Variants in CENPW observed in about 807,000 individuals in gnomAD.
CENPW encodes the protein centromere protein W.
CENPW carries 3 observed loss-of-function variants against 11.1 expected under a neutral mutation model. That is an observed-to-expected ratio of 0.27 (90% CI 0.12 to 0.70). CENPW has a LOEUF of 0.70. CENPW is among the 30% of genes least tolerant of loss of function. CENPW has a pLI of 0.77. For synonymous variants in CENPW, 38 were observed against 42.0 expected (o/e 0.91, Z 0.37); for missense variants, 100 against 105.6 (o/e 0.95, Z 0.23).
chr6:126,380,286 A>G, the CENPW span, among the ~76,000 whole-genome samples: 3 of 152,230 alleles, frequency 2.0e-5, no homozygotes, highest in African/African-American at 7.2e-5. Flanking sequence ...ATGGGAACCA[A>G]AGTCCAAGCT....
the CENPW span, among the ~76,000 whole-genome samples, chr6:126,357,915 T>G: frequency 8.5e-5 from 13 of 152,184 alleles, no homozygotes; most frequent in African/African-American, 3.1e-4. Context: ...CCAGTTCTTC[T>G]TATAGGATCT....
At chr6:126,413,306 C>T in the CENPW span, among the ~76,000 whole-genome samples, 1 of 151,986 alleles carries the variant, frequency 6.6e-6, no homozygotes, top group Non-Finnish European at 1.5e-5. Context: ...AAAATCAACA[C>T]AAAGGGAGAA....
At chr6:126,454,137 C>G in the CENPW span, among the ~76,000 whole-genome samples, 1 of 151,298 alleles carries the variant, frequency 6.6e-6, no homozygotes, top group South Asian at 2.1e-4. Flanking sequence ...ACTTCAACAC[C>G]CCACTGACAG....
chr6:126,364,173 C>T, the CENPW span, among the ~76,000 whole-genome samples: 1 of 151,984 alleles, frequency 6.6e-6, no homozygotes, highest in East Asian at 1.9e-4. Flanking sequence ...TGAATGGTAC[C>T]CCCACAAAAT....
the CENPW span, among the ~76,000 whole-genome samples, chr6:126,480,644 CA>C: frequency 6.6e-6 from 1 of 151,908 alleles, no homozygotes; most frequent in African/African-American, 2.4e-5. Flanking sequence ...AAAAACATCC[CA>C]AAATGCTGGA....
At chr6:126,419,549 CAGGT>C in the CENPW span, among the ~76,000 whole-genome samples, 1 of 152,106 alleles carries the variant, frequency 6.6e-6, no homozygotes, top group Non-Finnish European at 1.5e-5. Context: ...AGAAAAATGT[CAGGT>C]AGAGTATTAG....
chr6:126,362,279 C>T, the CENPW span, among the ~76,000 whole-genome samples: 1 of 152,156 alleles, frequency 6.6e-6, no homozygotes, highest in Non-Finnish European at 1.5e-5. Context: ...CTCATGGGCT[C>T]TGTGCCAGTT....
chr6:126,416,517 C>T, the CENPW span, among the ~76,000 whole-genome samples: 1 of 152,164 alleles, frequency 6.6e-6, no homozygotes, highest in Non-Finnish European at 1.5e-5. Flanking sequence ...TCATGGCAGC[C>T]CCTCCCATCA....
chr6:126,439,780 C>T, the CENPW span, among the ~76,000 whole-genome samples: 1 of 151,596 alleles, frequency 6.6e-6, no homozygotes, highest in Admixed American at 6.6e-5. Context: ...CAGGCCATTT[C>T]CAAATTCTAT....
the CENPW span, among the ~76,000 whole-genome samples, chr6:126,477,691 CTG>C: frequency 7.9e-5 from 12 of 152,124 alleles, no homozygotes; most frequent in South Asian, 4.1e-4. Context: ...AAGAAAATAA[CTG>C]TGTGATAGTA....
the CENPW span, among the ~76,000 whole-genome samples, chr6:126,399,488 T>A: frequency 3.2e-4 from 49 of 152,276 alleles, no homozygotes; most frequent in African/African-American, 1.1e-3. Flanking sequence ...TTGATCTTTG[T>A]GCTTATTATT....
chr6:126,437,893 A>G, the CENPW span, among the ~76,000 whole-genome samples: 3 of 151,728 alleles, frequency 2.0e-5, no homozygotes, highest in Non-Finnish European at 2.9e-5. Flanking sequence ...CATTGTGCCA[A>G]TTGTCTCTAT....
the CENPW span, among the ~76,000 whole-genome samples, chr6:126,413,387 T>C: frequency 6.6e-6 from 1 of 152,090 alleles, no homozygotes; most frequent in Non-Finnish European, 1.5e-5. Flanking sequence ...TGACAGCAGA[T>C]TTCTCTGCAA....
At chr6:126,430,525 A>T in the CENPW span, among the ~76,000 whole-genome samples, 2 of 152,336 alleles carry the variant, frequency 1.3e-5, no homozygotes, top group South Asian at 4.1e-4. Context: ...GTTGTTTTGC[A>T]CATGGGTCTG....
chr6:126,415,765 A>C, the CENPW span, among the ~76,000 whole-genome samples: 1 of 152,176 alleles, frequency 6.6e-6, no homozygotes, highest in African/African-American at 2.4e-5. Flanking sequence ...CATGTGAGAC[A>C]TGCCTTTCAC....
At chr6:126,379,109 A>G in the CENPW span, among the ~76,000 whole-genome samples, 1 of 152,162 alleles carries the variant, frequency 6.6e-6, no homozygotes, top group Non-Finnish European at 1.5e-5. Flanking sequence ...ATGCTGAAAA[A>G]TTAGTAAATT....
the CENPW span, among the ~76,000 whole-genome samples, chr6:126,406,100 C>A: frequency 6.6e-6 from 1 of 152,058 alleles, no homozygotes; most frequent in Non-Finnish European, 1.5e-5. Context: ...TTGTCATATA[C>A]GTCCTTAATT....
At chr6:126,473,655 C>G in the CENPW span, among the ~76,000 whole-genome samples, 1 of 151,598 alleles carries the variant, frequency 6.6e-6, no homozygotes, top group Non-Finnish European at 1.5e-5. Context: ...TTCGCTTGAG[C>G]TTGGGAGGCG....
At chr6:126,345,552 AT>A (rs907719960) in intron 1 of CENPW, among the ~76,000 whole-genome samples, 8 of 151,986 alleles carry the variant, frequency 5.3e-5, no homozygotes, top group Non-Finnish European at 7.4e-5. Context: ...ACATAACTAT[AT>A]TTTTTTAATA....
Sources: allele counts gnomAD v4.1 joint callset (sites outside exome capture counted in the v4.1 genomes callset), GRCh38; gene constraint gnomAD v4.1.1; transcripts MANE v1.5; gene names NCBI Gene and HGNC (gene_info 2026-07-23, HGNC 2026-07-21).